Variants in CEP128 observed in about 807,000 individuals in gnomAD.
CEP128 encodes the protein centrosomal protein 128kDa.
A neutral mutation model predicts 156.7 loss-of-function variants in CEP128; 132 were observed. That is an observed-to-expected ratio of 0.84 (90% CI 0.73 to 0.97). The LOEUF (loss-of-function observed/expected upper bound fraction) is 0.97. CEP128 is among the 50% of genes least tolerant of loss of function. The pLI, the probability that CEP128 is intolerant of heterozygous loss-of-function variation, is 0.00. For synonymous variants in CEP128, 469 were observed against 448.9 expected (o/e 1.04, Z -0.57); for missense variants, 1,252 against 1,281.9 (o/e 0.98, Z 0.36).
chr14:80,714,887 C>T (rs2139429540), intron 19 of CEP128, among the ~76,000 whole-genome samples: 1 of 152,188 alleles, frequency 6.6e-6, no homozygotes, highest in Non-Finnish European at 1.5e-5. Flanking sequence ...AACTGAAAGG[C>T]ACCACAACAC....
chr14:80,910,595 T>C (rs1884152339), intron 4 of CEP128, among the ~76,000 whole-genome samples: 2 of 152,218 alleles, frequency 1.3e-5, no homozygotes, highest in Non-Finnish European at 2.9e-5. Context: ...ACCAACATCA[T>C]GCTTCCTATA....
At chr14:80,529,005 T>C (rs955632772) in intron 22 of CEP128, among the ~76,000 whole-genome samples, 25 of 152,236 alleles carry the variant, frequency 1.6e-4, no homozygotes, top group African/African-American at 6.0e-4. Context: ...TTAGAGTACA[T>C]GTAGAACGGA....
chr14:80,608,637 G>A (rs911113620), intron 19 of CEP128, among the ~76,000 whole-genome samples: 5 of 152,038 alleles, frequency 3.3e-5, no homozygotes, highest in Admixed American at 6.6e-5. Context: ...ACTATTTGCA[G>A]CTCTTAAATG....
At chr14:80,609,600 G>A (rs539966753) in intron 19 of CEP128, among the ~76,000 whole-genome samples, 1 of 152,178 alleles carries the variant, frequency 6.6e-6, no homozygotes, top group East Asian at 1.9e-4. Flanking sequence ...CTGTGGCAGT[G>A]GAAAACCAAA....
At chr14:80,479,402 G>A (rs1374126924) in intron 14 of CEP128, among the ~76,000 whole-genome samples, 3 of 152,126 alleles carry the variant, frequency 2.0e-5, no homozygotes, top group Non-Finnish European at 4.4e-5. Context: ...TGGCTGGAGA[G>A]GCCTCAGAAT....
intron 13 of CEP128, among the ~76,000 whole-genome samples, chr14:80,825,911 G>T (rs1262456398): frequency 6.6e-6 from 1 of 152,028 alleles, no homozygotes; most frequent in Non-Finnish European, 1.5e-5. Context: ...TTCGAGACCA[G>T]CCTCGCCAAC....
intron 19 of CEP128, among the ~76,000 whole-genome samples, chr14:80,720,634 T>C (rs947847135): frequency 7.2e-5 from 11 of 152,128 alleles, no homozygotes; most frequent in African/African-American, 2.7e-4. Flanking sequence ...ACTCAGAAAA[T>C]ATTAGGTCTC....
At chr14:80,542,636 A>C (rs1303212439) in intron 21 of CEP128, among the ~76,000 whole-genome samples, 1 of 152,200 alleles carries the variant, frequency 6.6e-6, no homozygotes, top group Non-Finnish European at 1.5e-5. Context: ...CCTATGGATG[A>C]GTCTATAGGA....
intron 2 of CEP128, among the ~76,000 whole-genome samples, chr14:80,956,701 T>C (rs1886713264): frequency 6.6e-6 from 1 of 152,192 alleles, no homozygotes; most frequent in Admixed American, 6.5e-5. Flanking sequence ...ATGCAGGTTA[T>C]TAAAGAAAAT....
chr14:80,622,749 C>T (rs1451122450), intron 19 of CEP128, among the ~76,000 whole-genome samples: 10 of 150,816 alleles, frequency 6.6e-5, no homozygotes, highest in African/African-American at 2.4e-4. Flanking sequence ...CAAATCAAAA[C>T]CACAATGAGA....
chr14:80,801,525 AC>A (rs1883852669), intron 13 of CEP128, among the ~76,000 whole-genome samples: 6 of 150,746 alleles, frequency 4.0e-5, no homozygotes, highest in Non-Finnish European at 8.8e-5. Flanking sequence ...AGAAAAAAAA[AC>A]AAACAACCAC....
chr14:80,955,750 TG>T (rs763266880), intron 2 of CEP128: 1 of 1,613,928 alleles, frequency 6.2e-7, no homozygotes, highest in African/African-American at 1.3e-5. Context: ...CGGAATGGGG[TG>T]TTCGTCTCCA....
intron 13 of CEP128, among the ~76,000 whole-genome samples, chr14:80,808,932 T>C (rs1481620261): frequency 2.0e-5 from 3 of 151,910 alleles, no homozygotes; most frequent in South Asian, 4.1e-4. Context: ...TATACAGATA[T>C]CAATGTAAGA....
chr14:80,676,373 T>C (rs1896060980), intron 19 of CEP128, among the ~76,000 whole-genome samples: 1 of 152,060 alleles, frequency 6.6e-6, no homozygotes, highest in African/African-American at 2.4e-5. Context: ...GGTGAACATG[T>C]TTTATTGATT....
At chr14:80,701,183 G>C (rs868208175) in intron 19 of CEP128, among the ~76,000 whole-genome samples, 1 of 152,156 alleles carries the variant, frequency 6.6e-6, no homozygotes. Context: ...CAGGAAGGAA[G>C]AAGACTCAAG....
chr14:80,957,837 C>G (rs2139676743), intron 2 of CEP128: 1 of 152,290 alleles, frequency 6.6e-6, no homozygotes, highest in South Asian at 2.1e-4. Context: ...TAGGTGCTTT[C>G]TAGGTGATGA....
At chr14:80,493,327 A>G (rs1470289868), downstream of CEP128, among the ~76,000 whole-genome samples, 1 of 152,238 alleles carries the variant, frequency 6.6e-6, no homozygotes, top group Non-Finnish European at 1.5e-5. Flanking sequence ...TTTTGACTAC[A>G]GTAGCATTTC....
chr14:80,559,154 C>T (rs1890562734), intron 21 of CEP128, 125 bp downstream of exon 21: 2 of 840,844 alleles, frequency 2.4e-6, no homozygotes, highest in Non-Finnish European at 3.9e-6. Flanking sequence ...TTGTTTTCCC[C>T]TTTGACATCT....
intron 21 of CEP128, among the ~76,000 whole-genome samples, chr14:80,532,915 C>T (rs978063298): frequency 6.6e-6 from 1 of 152,144 alleles, no homozygotes; most frequent in Non-Finnish European, 1.5e-5. Flanking sequence ...CATGCTGTTT[C>T]TTCAAGTTCA....
Sources: allele counts gnomAD v4.1 joint callset (sites outside exome capture counted in the v4.1 genomes callset), GRCh38; gene constraint gnomAD v4.1.1; transcripts MANE v1.5; gene names NCBI Gene and HGNC (gene_info 2026-07-23, HGNC 2026-07-21).